Variants in HTR1F observed in about 807,000 individuals in gnomAD.
HTR1F encodes 5-hydroxytryptamine (serotonin) receptor 1F, G protein-coupled.
Under a neutral mutation model 24.0 loss-of-function variants are expected in HTR1F, and 17 were observed. The observed-to-expected ratio is 0.71, with a 90% CI of 0.48 to 1.06. The LOEUF (loss-of-function observed/expected upper bound fraction) is 1.06, where lower values mean the gene tolerates loss of function less well. HTR1F is among the 50% of genes least tolerant of loss of function. The probability of loss-of-function intolerance (pLI) is 0.00; values close to 1 mark genes in which losing one functional copy is unlikely to be tolerated. For synonymous variants in HTR1F, 186 were observed against 156.8 expected, an observed-to-expected ratio of 1.19 and a Z score of -1.39; for missense variants, 391 against 427.8, an observed-to-expected ratio of 0.91 and a Z score of 0.76.
chr3:87,873,320 A>G (rs533808805), intron 2 of HTR1F, among the ~76,000 whole-genome samples: 24 of 152,246 alleles, frequency 1.6e-4, no homozygotes, highest in African/African-American at 4.8e-4. Flanking sequence ...AGGCTTAATA[A>G]CCATGGGAGT....
At chr3:87,880,652 G>C (rs1269608119) in intron 2 of HTR1F, among the ~76,000 whole-genome samples, 1 of 125,640 alleles carries the variant, frequency 8.0e-6, no homozygotes, top group African/African-American at 2.6e-5. Context: ...TTGTTTGTGT[G>C]TGTGTGTGTG....
At chr3:87,971,116 C>T (rs1356300932) in intron 2 of HTR1F, among the ~76,000 whole-genome samples, 2 of 152,230 alleles carry the variant, frequency 1.3e-5, no homozygotes, top group Non-Finnish European at 2.9e-5. Context: ...TTAACACATA[C>T]ATGCTCACAT....
At chr3:87,877,155 G>GA (rs995345019) in intron 2 of HTR1F, among the ~76,000 whole-genome samples, 40 of 151,868 alleles carry the variant, frequency 2.6e-4, no homozygotes, top group African/African-American at 7.5e-4. Flanking sequence ...GAAATCTCTG[G>GA]AAAAAAACCA....
chr3:87,928,362 T>A (rs1704179136), intron 2 of HTR1F, among the ~76,000 whole-genome samples: 1 of 152,122 alleles, frequency 6.6e-6, no homozygotes, highest in Non-Finnish European at 1.5e-5. Context: ...TACTTTCAAC[T>A]GAAAAATATT....
chr3:87,915,986 C>T (rs779559064), intron 2 of HTR1F, among the ~76,000 whole-genome samples: 5 of 152,066 alleles, frequency 3.3e-5, no homozygotes, highest in Admixed American at 6.6e-5. Context: ...AAAGGAAAAC[C>T]TATCAGATTA....
At chr3:87,964,280 C>T (rs1705119997) in intron 2 of HTR1F, among the ~76,000 whole-genome samples, 1 of 152,066 alleles carries the variant, frequency 6.6e-6, no homozygotes, top group East Asian at 1.9e-4. Flanking sequence ...ATACATGACG[C>T]CAAAGTAAAT....
chr3:87,933,672 G>A (rs1288070095), intron 2 of HTR1F, among the ~76,000 whole-genome samples: 1 of 152,120 alleles, frequency 6.6e-6, no homozygotes, highest in Non-Finnish European at 1.5e-5. Flanking sequence ...TCTTCAAGGA[G>A]AATTACAAAC....
At chr3:87,802,503 C>T (rs1704011170) in intron 1 of HTR1F, among the ~76,000 whole-genome samples, 1 of 151,760 alleles carries the variant, frequency 6.6e-6, no homozygotes, top group Non-Finnish European at 1.5e-5. Context: ...ACCACCACGC[C>T]AGGCTAATTT....
At chr3:87,954,166 A>G (rs1297036461) in intron 2 of HTR1F, among the ~76,000 whole-genome samples, 1 of 151,780 alleles carries the variant, frequency 6.6e-6, no homozygotes, top group East Asian at 1.9e-4. Flanking sequence ...ACAGCAATAT[A>G]TTGTATATTT....
chr3:87,933,306 C>T (rs1365281044), intron 2 of HTR1F, among the ~76,000 whole-genome samples: 4 of 150,388 alleles, frequency 2.7e-5, no homozygotes, highest in African/African-American at 9.7e-5. Context: ...GACAGGGATG[C>T]CCTCTCTCAC....
At chr3:87,946,971 G>A (rs1229759543) in intron 2 of HTR1F, among the ~76,000 whole-genome samples, 2 of 152,138 alleles carry the variant, frequency 1.3e-5, no homozygotes, top group Non-Finnish European at 2.9e-5. Flanking sequence ...GGAGCAATAG[G>A]TCTGTCCCTA....
chr3:87,833,397 T>A (rs1332185298), intron 2 of HTR1F, among the ~76,000 whole-genome samples: 2 of 152,162 alleles, frequency 1.3e-5, no homozygotes, highest in Non-Finnish European at 2.9e-5. Context: ...AAATGCAGAT[T>A]TCTTGGCCTC....
At chr3:87,814,380 C>A (rs193103619) in intron 1 of HTR1F, among the ~76,000 whole-genome samples, 5 of 152,118 alleles carry the variant, frequency 3.3e-5, no homozygotes, top group Non-Finnish European at 7.4e-5. Context: ...ATATAATATT[C>A]ATTTGTGTTA....
intron 2 of HTR1F, among the ~76,000 whole-genome samples, chr3:87,955,729 A>C (rs1704929195): frequency 6.6e-6 from 1 of 151,484 alleles, no homozygotes; most frequent in Non-Finnish European, 1.5e-5. Context: ...TTTTATCATC[A>C]GCCATTCTAA....
chr3:87,825,899 C>T (rs1228660240), intron 2 of HTR1F, among the ~76,000 whole-genome samples: 6 of 152,128 alleles, frequency 3.9e-5, no homozygotes, highest in African/African-American at 1.4e-4. Flanking sequence ...AGGGACATAC[C>T]ACCACCTCTA....
At chr3:87,946,396 A>T (rs1165430913) in intron 2 of HTR1F, among the ~76,000 whole-genome samples, 1 of 152,146 alleles carries the variant, frequency 6.6e-6, no homozygotes, top group Admixed American at 6.5e-5. Flanking sequence ...ATAATTTAAA[A>T]ATATAATCAA....
chr3:87,980,145 A>G (rs1040179291), intron 2 of HTR1F, among the ~76,000 whole-genome samples: 2 of 152,150 alleles, frequency 1.3e-5, no homozygotes, highest in African/African-American at 4.8e-5. Flanking sequence ...TGCTTCAAGG[A>G]AGAGTGAGGT....
intron 2 of HTR1F, among the ~76,000 whole-genome samples, chr3:87,945,178 G>T (rs1704667954): frequency 2.0e-5 from 3 of 151,518 alleles, no homozygotes; most frequent in Non-Finnish European, 4.4e-5. Flanking sequence ...CAGACTTGGG[G>T]CCCTGGCAAG....
chr3:87,804,473 T>G (rs368951191), intron 1 of HTR1F, among the ~76,000 whole-genome samples: 1 of 152,222 alleles, frequency 6.6e-6, no homozygotes, highest in Non-Finnish European at 1.5e-5. Flanking sequence ...TATAACTGAA[T>G]AGTGTATCTT....
Sources: gnomAD v4.1 joint callset for allele counts (sites outside exome capture counted in the v4.1 genomes callset) on GRCh38, gnomAD v4.1.1 for gene constraint, MANE v1.5 for transcripts, NCBI Gene and HGNC (gene_info 2026-07-23, HGNC 2026-07-21) for gene names.